The following RANGAP1 variants were observed in gnomAD, a reference collection of about 807,000 sequenced individuals.
RANGAP1 encodes the protein Ran GTPase activating protein 1.
RANGAP1 carries 38 observed loss-of-function variants against 63.5 expected under a neutral mutation model. The observed-to-expected ratio is 0.60, with a 90% confidence interval of 0.46 to 0.78. RANGAP1 has a LOEUF of 0.78. Ranked by LOEUF, RANGAP1 falls within the 30% of genes least tolerant of loss-of-function variation. RANGAP1 has a pLI of 0.00. For synonymous variants in RANGAP1, 329 were observed against 310.5 expected, an observed-to-expected ratio of 1.06 and a Z score of -0.63; for missense variants, 630 against 740.3, an observed-to-expected ratio of 0.85 and a Z score of 1.73.
At chr22:41,265,954 G>A (rs1189127230) in intron 4 of RANGAP1, among the ~76,000 whole-genome samples, 1 of 151,800 alleles carries the variant, frequency 6.6e-6, no homozygotes, top group African/African-American at 2.4e-5. Context: ...TGTAATCCCA[G>A]CACTTTGGGA....
At position 41,246,613 on chromosome 22, in the gene RANGAP1, T is replaced by C; in HGVS notation, c.1754A>G (p.Tyr585Cys). The C allele has an allele frequency of 2.5e-6, 4 of 1,576,550 alleles. No individual in the cohort carries two copies. The highest frequency in any genetic ancestry group is 1.2e-5 in the South Asian group (1 of 85,968). Reference sequence around the variant, plus strand: ...GGAGAGGCTTTGAGTCTAGACCTTGTACAGCGTCTGCAGCAGACTGTGGCG... The same window carrying C: ...GGAGAGGCTTTGAGTCTAGACCTTGCACAGCGTCTGCAGCAGACTGTGGCG... ...FARHSLLQTLYKV is the reference protein window; with the variant it reads ...FARHSLLQTLCKV The change falls in exon 16 of 16, where the codon TAC becomes TGC. Residue 585 changes from tyrosine (Y) to cysteine (C), a missense_variant. Physicochemically the swap from Tyr to Cys is radical, Grantham distance 194. Transcript: ENST00000356244.
At chr22:41,249,878 C>T (rs1287438658) in intron 13 of RANGAP1, 61 bp from the exon 14 acceptor site, 2 of 1,464,200 alleles carry the variant, frequency 1.4e-6, no homozygotes, top group South Asian at 2.3e-5. Flanking sequence ...GGCCAAGGCA[C>T]CCAGGGTTCC....
At chr22:41,285,108 G>C (rs893030592) in intron 1 of RANGAP1, 11 of 152,102 alleles carry the variant, frequency 7.2e-5, no homozygotes, top group Admixed American at 4.6e-4. Flanking sequence ...GTTCAGCGGT[G>C]ATCGTTCCAC....
chr22:41,295,727 C>A, the RANGAP1 span, among the ~76,000 whole-genome samples: 1 of 149,714 alleles, frequency 6.7e-6, no homozygotes, highest in Non-Finnish European at 1.5e-5. Flanking sequence ...GAAAAATCTA[C>A]TTCTGGAGAA....
intron 3 of RANGAP1, among the ~76,000 whole-genome samples, chr22:41,272,159 G>A (rs1440865448): frequency 6.6e-6 from 1 of 152,198 alleles, no homozygotes; most frequent in Non-Finnish European, 1.5e-5. Context: ...CCGAAAGCAA[G>A]CTCAGCTCCT....
rs2033061405 is a variant in RANGAP1 at position 41,246,730 on chromosome 22, G to T, written c.1695-58C>A. On this transcript the variant is annotated intron_variant, in intron 15 of 15. Transcript: ENST00000356244. ...ATGCCTCTTGGCCTGTTTTCCAAGT[G>T]TGGGGGCCATTTTGGTGCCAGACTC... The T allele has an allele frequency of 2.8e-6, 4 of 1,436,140 alleles. No individual in the cohort carries two copies. The South Asian group carries it at 4.9e-5, about 18-fold the overall frequency. 89.0% of individuals were successfully genotyped at this position (1,436,140 alleles called of 1,614,324 possible).
chr22:41,256,637 C>T (rs972153968), intron 8 of RANGAP1, 74 bp downstream of exon 8: 1 of 1,351,772 alleles, frequency 7.4e-7, no homozygotes, highest in Non-Finnish European at 1.0e-6. Context: ...GCCTTCAGAC[C>T]AGACCCCTGT....
intron 6 of RANGAP1, among the ~76,000 whole-genome samples, chr22:41,261,071 T>C (rs186533270): frequency 0.014 from 2,107 of 152,280 alleles, 19 homozygotes; most frequent in Non-Finnish European, 0.021. Flanking sequence ...AGGTCTGGTA[T>C]GTTCCTTCTC....
At chr22:41,247,304 C>G (rs1318935837) in intron 15 of RANGAP1, among the ~76,000 whole-genome samples, 2 of 152,156 alleles carry the variant, frequency 1.3e-5, no homozygotes, top group African/African-American at 4.8e-5. Flanking sequence ...ATCCTCCCAC[C>G]TCGGCCTCCC....
In RANGAP1 at chr22:41,277,402, T is replaced by C; in HGVS notation, c.113-2675A>G. On this transcript the variant is annotated intron_variant, in intron 2 of 15. Transcript: ENST00000356244. ...CGAAAGTGAGGATATATTTTTTCCC[T>C]GTTCTTTGAATGTTTCTGTATTCTA... is the stretch of plus-strand genomic sequence containing the variant. 4 of 1,116,996 alleles carry C rather than the reference T, an allele frequency of 3.6e-6. No individual in the cohort carries two copies. In the Admixed American group the frequency reaches 9.9e-5, roughly 28 times the overall value. The allele number at this position is 1,116,996 out of a possible 1,614,324, so 69.2% of individuals were successfully genotyped here. A position where few individuals can be genotyped will look rare whatever the true frequency, so the allele number is the denominator to read the frequency against.
At chr22:41,266,156 C>T (rs1292511900) in intron 4 of RANGAP1, among the ~76,000 whole-genome samples, 1 of 149,268 alleles carries the variant, frequency 6.7e-6, no homozygotes, top group Non-Finnish European at 1.5e-5. Context: ...GAGCCGAGAT[C>T]GTGCCACTGC....
At chr22:41,287,395 G>A (rs1040103995), upstream of RANGAP1, among the ~76,000 whole-genome samples, 2 of 77,140 alleles carry the variant, frequency 2.6e-5, no homozygotes, top group African/African-American at 9.2e-5. Flanking sequence ...TTTTTTTTTT[G>A]AGATGGAGTT....
At position 41,264,716 on chromosome 22, in the gene RANGAP1, G is replaced by A; in HGVS notation, c.428C>T (p.Thr143Ile). ...GTTGTTGAGCTTGAGTTCCTGCAGGGTGAAGCAGGCTGAGCTCTTGAGCAG... is the reference window on the plus strand; with the variant it reads ...GTTGTTGAGCTTGAGTTCCTGCAGGATGAAGCAGGCTGAGCTCTTGAGCAG... ...EALLKSSACF[T>I]LQELKLNNCG... Residue 143 changes from threonine to isoleucine, a missense_variant, in exon 5 of 16, where the codon ACC becomes ATC. Transcript: ENST00000356244. 1.2e-6 allele frequency: 2 copies of A among 1,613,980 alleles called. No homozygotes were observed. Among genetic ancestry groups the A allele is most frequent in the Non-Finnish European group, 1.7e-6 (2 of 1,179,826 alleles).
the RANGAP1 span, among the ~76,000 whole-genome samples, chr22:41,296,454 C>T: frequency 5.3e-5 from 8 of 152,182 alleles, no homozygotes; most frequent in African/African-American, 1.9e-4. Context: ...CAAGACCAGT[C>T]TGGCCAACAT....
At chr22:41,273,514 T>TC (rs2034954127) in intron 3 of RANGAP1, among the ~76,000 whole-genome samples, 1 of 152,022 alleles carries the variant, frequency 6.6e-6, no homozygotes, top group Non-Finnish European at 1.5e-5. Context: ...ACGCCTGTAA[T>TC]CCCAGCACAT....
intron 6 of RANGAP1, among the ~76,000 whole-genome samples, chr22:41,260,322 G>T (rs1442171124): frequency 6.6e-6 from 1 of 152,098 alleles, no homozygotes; most frequent in Admixed American, 6.5e-5. Context: ...GCAGGCTGAC[G>T]GCAGGGAGGG....
At chr22:41,263,574 G>A (rs1399362313) in intron 5 of RANGAP1, among the ~76,000 whole-genome samples, 1 of 152,126 alleles carries the variant, frequency 6.6e-6, no homozygotes, top group Non-Finnish European at 1.5e-5. Flanking sequence ...TAGTAGAGAT[G>A]GGGTTTCACC....
chr22:41,294,773 C>A, the RANGAP1 span, among the ~76,000 whole-genome samples: 1 of 132,540 alleles, frequency 7.5e-6, no homozygotes, highest in African/African-American at 2.9e-5. Flanking sequence ...CCCCTCCGCC[C>A]GGCAGCCGCC....
chr22:41,295,118 G>T, the RANGAP1 span, among the ~76,000 whole-genome samples: 2 of 149,060 alleles, frequency 1.3e-5, no homozygotes, highest in Non-Finnish European at 3.0e-5. Context: ...CGTCCGGGAG[G>T]TGAGGGGCGC....
Sources: allele counts gnomAD v4.1 joint callset (sites outside exome capture counted in the v4.1 genomes callset), GRCh38; gene constraint gnomAD v4.1.1; transcripts MANE v1.5; gene names NCBI Gene and HGNC (gene_info 2026-07-23, HGNC 2026-07-21).